RXRA: variants seen among roughly 807,000 people sequenced by gnomAD.
RXRA encodes retinoic acid receptor RXR-alpha.
In RXRA, 5 loss-of-function variants were observed where a neutral mutation model predicts 44.5. That is an observed-to-expected ratio of 0.11 (90% CI 0.06 to 0.24). The LOEUF is 0.24. Ranked by LOEUF, RXRA falls within the 10% of genes least tolerant of loss-of-function variation. The pLI is 1.00. For missense variants in RXRA, 412 were observed against 646.5 expected (o/e 0.64, Z 3.93); for synonymous variants, 291 against 271.4 (o/e 1.07, Z -0.71).
At chr9:134,338,698 C>T (rs1479247773) in intron 1 of RXRA, among the ~76,000 whole-genome samples, 3 of 152,198 alleles carry the variant, frequency 2.0e-5, no homozygotes, top group East Asian at 1.9e-4. Flanking sequence ...AACTCATTAT[C>T]GGAGGGGGCA....
At chr9:134,402,274 C>T (rs956855706) in intron 2 of RXRA, 1 of 218,834 alleles carries the variant, frequency 4.6e-6, no homozygotes, top group African/African-American at 2.3e-5. Context: ...CCCCTGAAGT[C>T]TCTGCTTACA....
intron 7 of RXRA, among the ~76,000 whole-genome samples, chr9:134,431,452 G>GA: frequency 6.6e-6 from 1 of 152,338 alleles, no homozygotes; most frequent in Non-Finnish European, 1.5e-5. Flanking sequence ...TTCCTGGACT[G>GA]AAGGGAGCGG....
chr9:134,415,816 C>T (rs1831224403), intron 4 of RXRA, among the ~76,000 whole-genome samples: 1 of 152,190 alleles, frequency 6.6e-6, no homozygotes, highest in African/African-American at 2.4e-5. Flanking sequence ...AGTGGAGAGG[C>T]CTTGACTGGA....
chr9:134,440,064 A>G lies in RXRA; in HGVS notation c.*3450A>G, dbSNP rs991402487. 2.6e-5 allele frequency: 4 copies of G among 152,378 alleles called. No individual in the cohort carries two copies. Among genetic ancestry groups the G allele is most frequent in the African/African-American group, 9.7e-5 (4 of 41,422 alleles). The allele number at this position is 152,378 out of a possible 1,614,324, so 9.4% of individuals were successfully genotyped here. ...GATCCATAAAGAGAGTAAAGATAAGAGAAAATGTCTAAAGCATCTGGAAAG... is the reference window on the plus strand; with the variant it reads ...GATCCATAAAGAGAGTAAAGATAAGGGAAAATGTCTAAAGCATCTGGAAAG... On this transcript the variant is annotated 3_prime_UTR_variant, in exon 10 of 10. Coordinates refer to ENST00000481739, the MANE Select transcript of RXRA (RefSeq NM_002957.6).
At chr9:134,375,591 G>A (rs1323304117) in intron 1 of RXRA, among the ~76,000 whole-genome samples, 1 of 152,168 alleles carries the variant, frequency 6.6e-6, no homozygotes, top group Non-Finnish European at 1.5e-5. Context: ...GTGACGCTGG[G>A]TTGGCCGTCT....
At chr9:134,344,489 G>T (rs935017821) in intron 1 of RXRA, among the ~76,000 whole-genome samples, 2 of 152,214 alleles carry the variant, frequency 1.3e-5, no homozygotes, top group Admixed American at 6.5e-5. Context: ...CCCGCCCAAG[G>T]CTTAGATTCC....
chr9:134,379,992 C>T, intron 1 of RXRA: 2 of 985,322 alleles, frequency 2.0e-6, no homozygotes, highest in Non-Finnish European at 2.4e-6. Context: ...GTCGGAGCTT[C>T]AGGATTAGGG....
chr9:134,402,075 AG>A (rs1830972127), intron 2 of RXRA, 193 bp downstream of exon 2: 1 of 580,900 alleles, frequency 1.7e-6, no homozygotes, highest in African/African-American at 1.9e-5. Context: ...CTGACTGCTG[AG>A]CCTGGGCCTT....
chr9:134,370,695 A>G (rs1377054051), intron 1 of RXRA, among the ~76,000 whole-genome samples: 1 of 150,810 alleles, frequency 6.6e-6, no homozygotes, highest in Non-Finnish European at 1.5e-5. Context: ...CCTGGGCTGC[A>G]GACTGGGGCC....
In RXRA at chr9:134,417,795, T is replaced by C. The variant is rs1389157676; in HGVS notation, c.780+468T>C. On this transcript the variant is annotated intron_variant, in intron 5 of 9. Coordinates refer to ENST00000481739, the MANE Select transcript of RXRA (RefSeq NM_002957.6). The surrounding 1 kb of genome is among the most constrained non-coding windows in gnomAD (Gnocchi z 6.1). Reference sequence around the variant, plus strand: ...CAGCAGCCGTGTGGCCCTGGGCAGGTGCCCGGCAGTCGCGGTGGCTGCTGT... The same window carrying C: ...CAGCAGCCGTGTGGCCCTGGGCAGGCGCCCGGCAGTCGCGGTGGCTGCTGT... Among the ~76,000 whole-genome samples the C allele has an allele frequency of 6.6e-6, 1 of 151,980 alleles. No homozygotes were observed. The highest frequency in any genetic ancestry group is 1.5e-5 in the Non-Finnish European group (1 of 67,974).
At chr9:134,419,443 C>T (rs372165194) in intron 5 of RXRA, among the ~76,000 whole-genome samples, 10 of 152,164 alleles carry the variant, frequency 6.6e-5, no homozygotes, top group African/African-American at 1.9e-4. Flanking sequence ...TCTCTGTGCC[C>T]GCTCACTCCC....
At chr9:134,397,091 C>G (rs995981399) in intron 1 of RXRA, among the ~76,000 whole-genome samples, 2 of 152,210 alleles carry the variant, frequency 1.3e-5, no homozygotes, top group Admixed American at 1.3e-4. Context: ...CTCTGGGGTC[C>G]AGGGAGCAGA....
chr9:134,415,082 C>T (rs989681752), intron 4 of RXRA, among the ~76,000 whole-genome samples: 4 of 152,232 alleles, frequency 2.6e-5, no homozygotes, highest in African/African-American at 4.8e-5. Context: ...ATGCCGACTG[C>T]GGGGTCCCTG....
In RXRA at chr9:134,417,761, T is replaced by C. The variant is rs1831263033; in HGVS notation, c.780+434T>C. Among the ~76,000 whole-genome samples, 1 of 152,084 alleles carries C rather than the reference T, an allele frequency of 6.6e-6. No homozygotes were observed. Among genetic ancestry groups the C allele is most frequent in the Non-Finnish European group, 1.5e-5 (1 of 67,992 alleles). On this transcript the variant is annotated intron_variant, in intron 5 of 9. Coordinates refer to ENST00000481739, the MANE Select transcript of RXRA (RefSeq NM_002957.6). This position sits in a 1 kb window ranked among gnomAD's most constrained non-coding sequence, Gnocchi z 6.1. Reference sequence around the variant, plus strand: ...AGGCTCTGCAGGTTGGTTCCAGGGCTGGCTCTGCCAGCAGCCGTGTGGCCC... The same window carrying C: ...AGGCTCTGCAGGTTGGTTCCAGGGCCGGCTCTGCCAGCAGCCGTGTGGCCC...
chr9:134,373,078 G>A (rs1350885888), intron 1 of RXRA, among the ~76,000 whole-genome samples: 3 of 152,182 alleles, frequency 2.0e-5, no homozygotes, highest in African/African-American at 7.2e-5. Flanking sequence ...AGACCAGTCC[G>A]TTATGGATGA....
chr9:134,341,273 G>T (rs1588251923), intron 1 of RXRA, among the ~76,000 whole-genome samples: 1 of 152,198 alleles, frequency 6.6e-6, no homozygotes, highest in East Asian at 1.9e-4. Context: ...ATATCATGTG[G>T]CCAGTTAACA....
chr9:134,436,818 C>T lies in RXRA; in HGVS notation c.*204C>T. 4.9e-6 allele frequency: 3 copies of T among 614,486 alleles called. No individual in the cohort carries two copies. The South Asian group carries it at 6.2e-5, about 13-fold the overall frequency. The allele number at this position is 614,486 out of a possible 1,614,324, so 38.1% of individuals were successfully genotyped here. On this transcript the variant is annotated 3_prime_UTR_variant, in exon 10 of 10. Transcript: ENST00000481739. ...ACTTGTCTGTGGCCCAGGGCAGTGG[C>T]TTTCCTGAGGCAGCAGCCTTCGTGG...
chr9:134,375,920 C>T (rs1003890598), intron 1 of RXRA, among the ~76,000 whole-genome samples: 4 of 151,804 alleles, frequency 2.6e-5, no homozygotes, highest in Admixed American at 6.5e-5. Flanking sequence ...GTAGAGAAAA[C>T]AAGCTGCCGG....
chr9:134,432,704 C>T (rs769212531), intron 8 of RXRA, among the ~76,000 whole-genome samples: 3 of 152,218 alleles, frequency 2.0e-5, no homozygotes, highest in Non-Finnish European at 4.4e-5. Flanking sequence ...TAGAGGGTCA[C>T]GCCCACCAGC....
Sources: gnomAD v4.1 joint callset for allele counts (sites outside exome capture counted in the v4.1 genomes callset) on GRCh38, gnomAD v4.1.1 for gene constraint, Gnocchi (gnomAD v3.1) non-coding constraint, MANE v1.5 for transcripts, NCBI Gene and HGNC (gene_info 2026-07-23, HGNC 2026-07-21) for gene names.